Variants in RANBP17 observed in about 807,000 individuals in gnomAD.
The protein encoded by RANBP17 is RAN binding protein 17, also known as ran-binding protein 17.
Under a neutral mutation model 141.2 loss-of-function variants are expected in RANBP17, and 158 were observed. The observed-to-expected ratio is 1.12, with a 90% CI of 0.98 to 1.28. RANBP17 has a LOEUF of 1.28. Ranked by LOEUF, RANBP17 falls within the 50% of genes most tolerant of loss-of-function variation. RANBP17 has a pLI of 0.00. For missense variants in RANBP17, 1,438 were observed against 1,290.7 expected (o/e 1.11, Z -1.75); for synonymous variants, 430 against 450.0 (o/e 0.96, Z 0.56).
At chr5:171,044,400 CTT>C (rs1459855955) in intron 14 of RANBP17, among the ~76,000 whole-genome samples, 1 of 151,854 alleles carries the variant, frequency 6.6e-6, no homozygotes, top group Non-Finnish European at 1.5e-5. Context: ...ATGTTGGAAA[CTT>C]ATTTTACCTT....
At chr5:171,278,693 G>A (rs1767678492) in intron 25 of RANBP17, among the ~76,000 whole-genome samples, 1 of 152,138 alleles carries the variant, frequency 6.6e-6, no homozygotes, top group Non-Finnish European at 1.5e-5. Flanking sequence ...GAAAGAAAAA[G>A]ACTGAGAAAT....
intron 18 of RANBP17, among the ~76,000 whole-genome samples, chr5:171,187,171 T>C (rs920002394): frequency 6.6e-6 from 1 of 152,148 alleles, no homozygotes; most frequent in Non-Finnish European, 1.5e-5. Context: ...TACAAAGGAA[T>C]GGCCGGTTTG....
intron 22 of RANBP17, among the ~76,000 whole-genome samples, chr5:171,234,959 G>A (rs550538276): frequency 6.6e-6 from 1 of 152,282 alleles, no homozygotes; most frequent in African/African-American, 2.4e-5. Flanking sequence ...ACTACAACTA[G>A]GGGTGAGTGT....
At chr5:170,972,766 T>G (rs1158594801) in intron 14 of RANBP17, among the ~76,000 whole-genome samples, 3 of 152,158 alleles carry the variant, frequency 2.0e-5, no homozygotes, top group Non-Finnish European at 4.4e-5. Flanking sequence ...TTACTAGATA[T>G]TATTAGGTTG....
Position 171,019,054 on chromosome 5 carries a change from T to C in RANBP17, c.1710+50677T>C, listed in dbSNP as rs150335954. On this transcript the variant is annotated intron_variant, in intron 14 of 27. Coordinates refer to ENST00000523189, the MANE Select transcript of RANBP17 (RefSeq NM_022897.5). ...CTTTGTTTCTGTTTATGTGGTAGAT[T>C]ACATTTATTGATTTGTATATGTGGA... Among the ~76,000 whole-genome samples, 101 of 152,344 alleles carry C rather than the reference T, an allele frequency of 6.6e-4. 1 individual carries two copies. The East Asian group carries it at 0.018, about 26-fold the overall frequency.
intron 14 of RANBP17, chr5:171,028,960 C>T: frequency 7.8e-7 from 1 of 1,287,082 alleles, no homozygotes; most frequent in Non-Finnish European, 1.0e-6. Context: ...TCATCATCAT[C>T]TGAACCAGGG....
chr5:171,000,324 TA>T (rs1779114019), intron 14 of RANBP17, among the ~76,000 whole-genome samples: 1 of 152,220 alleles, frequency 6.6e-6, no homozygotes, highest in Non-Finnish European at 1.5e-5. Context: ...ACAGCAGTTG[TA>T]CCACTTAATA....
At chr5:171,259,289 C>T (rs1208406836) in intron 24 of RANBP17, among the ~76,000 whole-genome samples, 1 of 152,152 alleles carries the variant, frequency 6.6e-6, no homozygotes, top group Non-Finnish European at 1.5e-5. Flanking sequence ...CTAATACAGC[C>T]ACTATGGAAA....
At chr5:171,014,922 A>G (rs1581400910) in intron 14 of RANBP17, among the ~76,000 whole-genome samples, 1 of 152,212 alleles carries the variant, frequency 6.6e-6, no homozygotes, top group South Asian at 2.1e-4. Context: ...AGATGTTAAC[A>G]ATGGTATATA....
intron 25 of RANBP17, among the ~76,000 whole-genome samples, chr5:171,266,915 AAAAAAAG>A (rs1285972832): frequency 1.3e-5 from 2 of 152,128 alleles, no homozygotes; most frequent in Non-Finnish European, 2.9e-5. Flanking sequence ...TCCATCTCAA[AAAAAAAG>A]AAAAAAGAAA....
chr5:171,076,699 G>A (rs1208102917), intron 14 of RANBP17, among the ~76,000 whole-genome samples: 1 of 152,156 alleles, frequency 6.6e-6, no homozygotes, highest in East Asian at 1.9e-4. Flanking sequence ...AGAGGGGGAT[G>A]CAGATGATAT....
chr5:171,204,380 A>G (rs1762458888), intron 19 of RANBP17, among the ~76,000 whole-genome samples: 1 of 152,180 alleles, frequency 6.6e-6, no homozygotes, highest in Non-Finnish European at 1.5e-5. Context: ...AATTAATTGA[A>G]TCAGCCATTA....
chr5:171,254,106 G>A (rs1268501086), intron 24 of RANBP17, among the ~76,000 whole-genome samples: 1 of 152,074 alleles, frequency 6.6e-6, no homozygotes, highest in Non-Finnish European at 1.5e-5. Flanking sequence ...AATTAGCCGG[G>A]TGTGGTGGCA....
chr5:171,043,068 C>T (rs1355276167), intron 14 of RANBP17, among the ~76,000 whole-genome samples: 1 of 152,098 alleles, frequency 6.6e-6, no homozygotes, highest in African/African-American at 2.4e-5. Flanking sequence ...ACAGTTTATA[C>T]TGTGCAAATA....
intron 22 of RANBP17, among the ~76,000 whole-genome samples, chr5:171,233,254 A>G (rs1225725590): frequency 2.0e-5 from 3 of 152,198 alleles, no homozygotes; most frequent in Non-Finnish European, 4.4e-5. Context: ...ATAAGGGGGC[A>G]TCTAAGTCCC....
intron 14 of RANBP17, among the ~76,000 whole-genome samples, chr5:171,124,345 A>G (rs1324545021): frequency 1.3e-5 from 2 of 152,154 alleles, no homozygotes; most frequent in Non-Finnish European, 2.9e-5. Context: ...GAAGAAACCC[A>G]GTATACCATA....
At chr5:171,259,902 A>C (rs963549546) in intron 24 of RANBP17, among the ~76,000 whole-genome samples, 5 of 152,052 alleles carry the variant, frequency 3.3e-5, no homozygotes, top group Non-Finnish European at 7.4e-5. Flanking sequence ...AATGGCTTGA[A>C]CCTGGGAGGT....
At chr5:171,265,656 G>A in intron 24 of RANBP17, 25 bp from the exon 25 acceptor site, 1 of 1,535,786 alleles carries the variant, frequency 6.5e-7, no homozygotes, top group Admixed American at 2.1e-5. Flanking sequence ...TAATGCAAAT[G>A]AATTCTTATT....
intron 14 of RANBP17, among the ~76,000 whole-genome samples, chr5:170,984,952 G>T (rs1778023710): frequency 6.6e-6 from 1 of 151,922 alleles, no homozygotes; most frequent in Admixed American, 6.6e-5. Context: ...ATAAGGAAGA[G>T]TCCTTTTAAA....
Sources: allele counts gnomAD v4.1 joint callset (sites outside exome capture counted in the v4.1 genomes callset), GRCh38; gene constraint gnomAD v4.1.1; transcripts MANE v1.5; gene names NCBI Gene and HGNC (gene_info 2026-07-23, HGNC 2026-07-21).